The following DLG2 variants were observed in gnomAD, a reference collection of about 807,000 sequenced individuals.
DLG2 encodes disks large homolog 2.
A neutral mutation model predicts 132.5 loss-of-function variants in DLG2; 45 were observed. The ratio of observed to expected loss-of-function variants is 0.34; its 90% CI spans 0.27 to 0.44. DLG2 has a LOEUF of 0.44. Ranked by LOEUF, DLG2 falls within the 20% of genes least tolerant of loss-of-function variation. The probability of loss-of-function intolerance (pLI) is 1.00; values close to 1 mark genes in which losing one functional copy is unlikely to be tolerated. For synonymous variants in DLG2, 424 were observed against 419.6 expected (o/e 1.01, Z -0.13); for missense variants, 1,045 against 1,196.9 (o/e 0.87, Z 1.87).
chr11:83,890,905 C>T (rs1255941333), intron 15 of DLG2, among the ~76,000 whole-genome samples: 1 of 152,068 alleles, frequency 6.6e-6, no homozygotes, highest in African/African-American at 2.4e-5. Flanking sequence ...GAATCCAGGA[C>T]AACTTCCATG....
At chr11:85,401,693 T>A (rs2088129289) in intron 3 of DLG2, among the ~76,000 whole-genome samples, 1 of 152,016 alleles carries the variant, frequency 6.6e-6, no homozygotes, top group South Asian at 2.1e-4. Flanking sequence ...TATACACTAA[T>A]AATAGACAAA....
At chr11:84,140,445 T>G (rs2094793602) in intron 9 of DLG2, among the ~76,000 whole-genome samples, 1 of 152,180 alleles carries the variant, frequency 6.6e-6, no homozygotes, top group South Asian at 2.1e-4. Flanking sequence ...TCATTGATTT[T>G]AAGTTTCAGA....
chr11:83,508,982 T>C (rs151110580), intron 21 of DLG2, among the ~76,000 whole-genome samples: 14 of 152,372 alleles, frequency 9.2e-5, no homozygotes, highest in Non-Finnish European at 1.5e-4. Flanking sequence ...GAACAGATGC[T>C]GTGACCTATT....
intron 7 of DLG2, among the ~76,000 whole-genome samples, chr11:84,370,207 C>T (rs577539374): frequency 1.3e-5 from 2 of 152,198 alleles, no homozygotes; most frequent in East Asian, 3.9e-4. Flanking sequence ...AACCGTTTCA[C>T]AGATCTGAGC....
intron 10 of DLG2, among the ~76,000 whole-genome samples, chr11:84,071,024 C>T (rs78317642): frequency 6.6e-6 from 1 of 152,196 alleles, no homozygotes; most frequent in Non-Finnish European, 1.5e-5. Context: ...TTTAGCCACA[C>T]ATCCAATCTA....
chr11:83,853,657 A>G (rs745586600), intron 16 of DLG2, among the ~76,000 whole-genome samples: 1 of 152,118 alleles, frequency 6.6e-6, no homozygotes, highest in Non-Finnish European at 1.5e-5. Context: ...TTAGTGTCTG[A>G]TATCTAAAAA....
intron 7 of DLG2, among the ~76,000 whole-genome samples, chr11:84,282,470 T>C (rs942618686): frequency 3.9e-5 from 6 of 152,156 alleles, no homozygotes; most frequent in African/African-American, 1.4e-4. Flanking sequence ...GTATCTTGAA[T>C]TGATGGTTTC....
At chr11:83,463,069 G>C (rs2136103643) in intron 26 of DLG2, among the ~76,000 whole-genome samples, 1 of 152,238 alleles carries the variant, frequency 6.6e-6, no homozygotes, top group East Asian at 1.9e-4. Context: ...ATTTGGGTCT[G>C]GAACATCTGG....
intron 6 of DLG2, among the ~76,000 whole-genome samples, chr11:85,055,712 T>C (rs1279331920): frequency 6.6e-6 from 1 of 152,156 alleles, no homozygotes; most frequent in African/African-American, 2.4e-5. Context: ...GGAAGGAGAC[T>C]ATGAAGTTGG....
At chr11:83,772,403 C>G (rs917205082) in intron 18 of DLG2, among the ~76,000 whole-genome samples, 4 of 134,226 alleles carry the variant, frequency 3.0e-5, no homozygotes, top group African/African-American at 1.1e-4. Flanking sequence ...GAGCAAGACC[C>G]TGTCTCAATA....
At chr11:84,928,853 A>G (rs1176167075) in intron 6 of DLG2, among the ~76,000 whole-genome samples, 1 of 150,952 alleles carries the variant, frequency 6.6e-6, no homozygotes, top group Non-Finnish European at 1.5e-5. Flanking sequence ...GGAAGTGTAT[A>G]AAATATATAA....
chr11:84,556,579 A>G (rs551867475), intron 6 of DLG2, among the ~76,000 whole-genome samples: 7 of 152,274 alleles, frequency 4.6e-5, no homozygotes, highest in African/African-American at 1.7e-4. Flanking sequence ...ATGTTTTTGC[A>G]TTTGTGTTGG....
At chr11:85,608,722 G>A (rs1276076234) in intron 2 of DLG2, among the ~76,000 whole-genome samples, 2 of 152,118 alleles carry the variant, frequency 1.3e-5, no homozygotes, top group African/African-American at 4.8e-5. Flanking sequence ...CCCCACCCAG[G>A]TACATGACCC....
intron 6 of DLG2, among the ~76,000 whole-genome samples, chr11:84,750,829 G>C (rs189016361): frequency 8.1e-4 from 124 of 152,240 alleles, no homozygotes; most frequent in Middle Eastern, 6.8e-3. Context: ...CTTACCACCT[G>C]ATTGACTGCA....
intron 18 of DLG2, among the ~76,000 whole-genome samples, chr11:83,751,709 T>C (rs921764299): frequency 6.6e-6 from 1 of 152,174 alleles, no homozygotes. Flanking sequence ...AAAAATGGAA[T>C]TGCCACTGAG....
At chr11:84,645,484 T>C (rs2099673590) in intron 6 of DLG2, among the ~76,000 whole-genome samples, 1 of 152,180 alleles carries the variant, frequency 6.6e-6, no homozygotes, top group African/African-American at 2.4e-5. Context: ...TATTTATTTT[T>C]TGAGACAGAG....
At chr11:83,839,679 A>C (rs2057112345) in intron 16 of DLG2, among the ~76,000 whole-genome samples, 1 of 152,222 alleles carries the variant, frequency 6.6e-6, no homozygotes. Context: ...GTATACATTG[A>C]AGTATATATA....
At chr11:84,100,672 A>T (rs554909810) in intron 9 of DLG2, among the ~76,000 whole-genome samples, 1 of 152,056 alleles carries the variant, frequency 6.6e-6, no homozygotes, top group African/African-American at 2.4e-5. Context: ...TAAATTTATG[A>T]TCATTTGATT....
At chr11:85,152,503 T>G (rs2077322627) in intron 5 of DLG2, among the ~76,000 whole-genome samples, 2 of 152,100 alleles carry the variant, frequency 1.3e-5, no homozygotes, top group Admixed American at 6.5e-5. Flanking sequence ...CCTCCCAAAG[T>G]GCTGGGATTA....
Sources: gnomAD v4.1 joint callset for allele counts (sites outside exome capture counted in the v4.1 genomes callset) on GRCh38, gnomAD v4.1.1 for gene constraint, MANE v1.5 for transcripts, NCBI Gene and HGNC (gene_info 2026-07-23, HGNC 2026-07-21) for gene names.